Variants in AZIN2 observed in about 807,000 individuals in gnomAD.
AZIN2 encodes the protein ODC antizyme inhibitor-2.
AZIN2 carries 28 observed loss-of-function variants against 47.8 expected under a neutral mutation model. That is an observed-to-expected ratio of 0.59 (90% CI 0.43 to 0.80). AZIN2 has a LOEUF of 0.80. Ranked by LOEUF, AZIN2 falls within the 30% of genes least tolerant of loss-of-function variation. The pLI is 0.00. For missense variants in AZIN2, 535 were observed against 582.5 expected, an observed-to-expected ratio of 0.92 and a Z score of 0.84; for synonymous variants, 221 against 239.4, an observed-to-expected ratio of 0.92 and a Z score of 0.71.
At chr1:33,111,855 G>A (rs899874224) in intron 10 of AZIN2, among the ~76,000 whole-genome samples, 7 of 152,046 alleles carry the variant, frequency 4.6e-5, no homozygotes, top group South Asian at 4.2e-4. Flanking sequence ...CACCCACCTC[G>A]GCCTCCCAAA....
At chr1:33,116,511 C>T (rs192847377) in intron 10 of AZIN2, among the ~76,000 whole-genome samples, 3 of 152,224 alleles carry the variant, frequency 2.0e-5, no homozygotes, top group African/African-American at 7.2e-5. Flanking sequence ...TCTCATCACT[C>T]ATATATTCCC....
chr1:33,146,852 A>ATCTGGATGCT, the AZIN2 span: 2 of 382,008 alleles, frequency 5.2e-6, no homozygotes, highest in South Asian at 5.8e-5. Context: ...GCTGGGCTGG[A>ATCTGGATGCT]GGGAGACACT....
At position 33,121,029 on chromosome 1, in the gene AZIN2, G is replaced by A. The variant is rs2124680580; in HGVS notation, c.*847G>A. Among the ~76,000 whole-genome samples, 1 of 152,274 alleles carries A rather than the reference G, an allele frequency of 6.6e-6. No individual in the cohort carries two copies. Among genetic ancestry groups the A allele is most frequent in the African/African-American group, 2.4e-5 (1 of 41,564 alleles). ...GCCTGTTAGAACAGGGCTGGCCACG[G>A]AGTATTGCTGTGTCCAGTGCCGACA... is the stretch of plus-strand genomic sequence containing the variant. On this transcript the variant is annotated 3_prime_UTR_variant, in exon 12 of 12. Coordinates refer to ENST00000294517, the MANE Select transcript of AZIN2 (RefSeq NM_052998.4).
the AZIN2 span, among the ~76,000 whole-genome samples, chr1:33,150,001 TG>T: frequency 6.6e-6 from 1 of 152,198 alleles, no homozygotes; most frequent in Non-Finnish European, 1.5e-5. Flanking sequence ...CACCTGGCTC[TG>T]GGCTGGCCAC....
chr1:33,088,925 C>T (rs974343150), intron 5 of AZIN2, among the ~76,000 whole-genome samples: 1 of 152,196 alleles, frequency 6.6e-6, no homozygotes, highest in African/African-American at 2.4e-5. Flanking sequence ...TGGGACTGCC[C>T]TGCCTATCTT....
the AZIN2 span, among the ~76,000 whole-genome samples, chr1:33,138,626 C>CAACA: frequency 0.018 from 1,171 of 66,162 alleles, 17 homozygotes; most frequent in African/African-American, 0.051. Context: ...ACAACAACAA[C>CAACA]AAAAAAAAAA....
chr1:33,088,062 C>T (rs1194001210), intron 5 of AZIN2, among the ~76,000 whole-genome samples: 1 of 152,174 alleles, frequency 6.6e-6, no homozygotes, highest in Non-Finnish European at 1.5e-5. Flanking sequence ...ATTCCTAGGC[C>T]TCCCTGTCTT....
the AZIN2 span, chr1:33,158,238 T>A: frequency 5.6e-6 from 9 of 1,606,744 alleles, no homozygotes; most frequent in African/African-American, 4.0e-5. Context: ...TGGACCATGA[T>A]AACCCATGCC....
chr1:33,088,550 C>T (rs1257821663), intron 5 of AZIN2, among the ~76,000 whole-genome samples: 1 of 152,234 alleles, frequency 6.6e-6, no homozygotes, highest in Non-Finnish European at 1.5e-5. Flanking sequence ...CCTTTAGACT[C>T]TTTCCCATCA....
chr1:33,102,676 T>C (rs1643792391), intron 10 of AZIN2, among the ~76,000 whole-genome samples: 1 of 152,300 alleles, frequency 6.6e-6, no homozygotes, highest in South Asian at 2.1e-4. Context: ...TCTCTGTCTA[T>C]ATGCGCTTCC....
the AZIN2 span, among the ~76,000 whole-genome samples, chr1:33,140,389 A>G: frequency 6.6e-6 from 1 of 152,178 alleles, no homozygotes; most frequent in Non-Finnish European, 1.5e-5. This position sits in a 1 kb window ranked among gnomAD's most constrained non-coding sequence, Gnocchi z 4.0. Context: ...AGTGGCAAGA[A>G]CAGTGCTGCT....
chr1:33,090,678 C>T (rs34190690), intron 5 of AZIN2, among the ~76,000 whole-genome samples: 31,535 of 152,152 alleles, frequency 0.21, 4,031 homozygotes, highest in South Asian at 0.31. Context: ...TAGGCATTAA[C>T]TCACATACTT....
chr1:33,104,489 G>A (rs1409378168), intron 10 of AZIN2, among the ~76,000 whole-genome samples: 1 of 151,840 alleles, frequency 6.6e-6, no homozygotes, highest in Non-Finnish European at 1.5e-5. Context: ...TAATTAATAG[G>A]AAGGAAATCT....
chr1:33,135,308 A>C, the AZIN2 span, among the ~76,000 whole-genome samples: 5 of 151,950 alleles, frequency 3.3e-5, no homozygotes, highest in African/African-American at 1.2e-4. Context: ...ACAAACAAAC[A>C]AACCAAACAA....
At chr1:33,158,361 C>T in the AZIN2 span, 2 of 1,613,452 alleles carry the variant, frequency 1.2e-6, no homozygotes, top group South Asian at 2.2e-5. Context: ...TGGATTTTTC[C>T]CTTGAGCCTG....
At chr1:33,127,866 C>T (rs375822125), downstream of AZIN2, among the ~76,000 whole-genome samples, 1 of 152,100 alleles carries the variant, frequency 6.6e-6, no homozygotes, top group African/African-American at 2.4e-5. Flanking sequence ...CGCCTTCACT[C>T]GCATTATTCA....
chr1:33,138,209 G>T, the AZIN2 span, among the ~76,000 whole-genome samples: 2 of 152,150 alleles, frequency 1.3e-5, no homozygotes, highest in Non-Finnish European at 2.9e-5. Flanking sequence ...CAGAATGGGG[G>T]TTAGGAAAAG....
At chr1:33,136,810 A>C in the AZIN2 span, among the ~76,000 whole-genome samples, 3 of 151,790 alleles carry the variant, frequency 2.0e-5, no homozygotes, top group South Asian at 6.2e-4. Flanking sequence ...CAGCCTGGCC[A>C]ATATGGTGAA....
In AZIN2 at chr1:33,094,526, G is replaced by A. The variant is rs374888418; in HGVS notation, c.588-22G>A. 1.9e-4 allele frequency: 308 copies of A among 1,600,822 alleles called. 2 individuals carry two copies. The highest frequency in any genetic ancestry group is 2.5e-4 in the Non-Finnish European group (296 of 1,169,950). On this transcript the variant is annotated intron_variant, in intron 7 of 11. Coordinates refer to ENST00000294517, the MANE Select transcript of AZIN2 (RefSeq NM_052998.4). ...GCACTTGGAGCCCTGCATGTCAGCC[G>A]AGGCTCTTCCTCTCTTCCCAGTTTT...
Sources: gnomAD v4.1 joint callset for allele counts (sites outside exome capture counted in the v4.1 genomes callset) on GRCh38, gnomAD v4.1.1 for gene constraint, Gnocchi (gnomAD v3.1) non-coding constraint, MANE v1.5 for transcripts, NCBI Gene and HGNC (gene_info 2026-07-23, HGNC 2026-07-21) for gene names.